The following TNS1 variants were observed in gnomAD, a reference collection of about 807,000 sequenced individuals.
The protein encoded by TNS1 is tensin 1, also known as tensin-1.
Under a neutral mutation model 168.6 loss-of-function variants are expected in TNS1, and 62 were observed. The observed-to-expected ratio is 0.37, with a 90% confidence interval of 0.30 to 0.45. TNS1 has a LOEUF of 0.45. Among genes scored for constraint, TNS1 ranks in the 20% least tolerant of loss-of-function variants. TNS1 has a pLI of 1.00. For missense variants in TNS1, 2,240 were observed against 2,339.4 expected (o/e 0.96, Z 0.88); for synonymous variants, 934 against 933.2 (o/e 1.00, Z -0.02).
chr2:217,852,169 G>T (rs921187892), intron 18 of TNS1, among the ~76,000 whole-genome samples: 2 of 152,124 alleles, frequency 1.3e-5, no homozygotes, highest in African/African-American at 2.4e-5. Flanking sequence ...GACCCCAGCC[G>T]CCTGTTTCTA....
Position 217,885,806 on chromosome 2 carries a change from C to T in TNS1, c.1054G>A (p.Asp352Asn), listed in dbSNP as rs139691939. 3.5e-5 allele frequency: 56 copies of T among 1,614,146 alleles called. No homozygotes were observed. Among genetic ancestry groups the T allele is most frequent in the Non-Finnish European group, 4.7e-5 (56 of 1,180,028 alleles). ...GTGATGCAGACGCTAGTCTGGCTGT[C>T]TCCTGGGATGTTGCTAAGGGAGAGA... ...YTSGIYNIPGDSQTSVCITIE... is the reference protein window; with the variant it reads ...YTSGIYNIPGNSQTSVCITIE... Residue 352 changes from aspartate (D) to asparagine (N), a missense_variant, in exon 15 of 33, where the codon GAC (aspartate) becomes AAC (asparagine). By Grantham distance (23) the Asp-to-Asn change is conservative. Coordinates refer to ENST00000682258, the MANE Select transcript of TNS1 (RefSeq NM_001387777.1).
intron 3 of TNS1, among the ~76,000 whole-genome samples, chr2:217,974,508 T>G (rs376364572): frequency 5.9e-5 from 9 of 152,186 alleles, no homozygotes; most frequent in African/African-American, 1.7e-4. Context: ...GAAGCTGGGG[T>G]GGAACCTAGC....
intron 18 of TNS1, among the ~76,000 whole-genome samples, chr2:217,872,974 T>C (rs1352609832): frequency 1.3e-5 from 2 of 152,198 alleles, no homozygotes; most frequent in East Asian, 3.8e-4. Context: ...ACGTAAAGTG[T>C]CCAGAATAGA....
intron 1 of TNS1, among the ~76,000 whole-genome samples, chr2:217,994,354 G>T (rs1958431247): frequency 6.6e-6 from 1 of 152,118 alleles, no homozygotes; most frequent in Admixed American, 6.5e-5. Context: ...TGGGGGTGGG[G>T]GAGGTGCAGA....
intron 18 of TNS1, among the ~76,000 whole-genome samples, chr2:217,875,884 T>C (rs1296870735): frequency 6.6e-6 from 1 of 152,092 alleles, no homozygotes; most frequent in Non-Finnish European, 1.5e-5. Context: ...TCTGGTGGGA[T>C]TGTCCATGGA....
chr2:217,947,903 T>G (rs1002912627), intron 3 of TNS1, among the ~76,000 whole-genome samples: 8 of 152,090 alleles, frequency 5.3e-5, no homozygotes, highest in African/African-American at 1.9e-4. Flanking sequence ...CCATGTGCAC[T>G]CCACACAGAT....
At chr2:217,855,964 C>T (rs530618409) in intron 18 of TNS1, among the ~76,000 whole-genome samples, 144 of 152,316 alleles carry the variant, frequency 9.5e-4, no homozygotes, top group African/African-American at 3.1e-3. Flanking sequence ...CCCCTACAGA[C>T]CTCTCCAGCT....
At chr2:217,872,289 A>G (rs1949836779) in intron 18 of TNS1, among the ~76,000 whole-genome samples, 1 of 152,254 alleles carries the variant, frequency 6.6e-6, no homozygotes, top group African/African-American at 2.4e-5. Flanking sequence ...ATGGGAGAAT[A>G]TATCGGCAAA....
chr2:217,973,947 G>A (rs1957830754), intron 3 of TNS1, among the ~76,000 whole-genome samples: 1 of 152,174 alleles, frequency 6.6e-6, no homozygotes, highest in East Asian at 1.9e-4. Context: ...ATACAACATA[G>A]CAATTAAAAA....
rs892246882 is a variant in TNS1 at position 217,803,366 on chromosome 2, G to A, written c.*1093C>T. Reference sequence around the variant, plus strand: ...GGTAAGCAGGTCTGAGATAAGGCTGGTCCAGGGGCATGAAACCCAATAACA... The same window carrying A: ...GGTAAGCAGGTCTGAGATAAGGCTGATCCAGGGGCATGAAACCCAATAACA... On this transcript the variant is annotated 3_prime_UTR_variant, in exon 33 of 33. Transcript: ENST00000682258. The A allele has an allele frequency of 6.6e-6, 1 of 152,456 alleles. No homozygotes were observed. Among genetic ancestry groups the A allele is most frequent in the African/African-American group, 2.4e-5 (1 of 41,462 alleles). 9.4% of individuals were successfully genotyped at this position (152,456 alleles called of 1,614,324 possible).
intron 19 of TNS1, chr2:217,842,140 G>A (rs1345071130): frequency 1.0e-5 from 7 of 702,790 alleles, no homozygotes; most frequent in Non-Finnish European, 1.6e-5. Flanking sequence ...GAGGTTCCAG[G>A]ACTCCATCCT....
chr2:217,898,395 G>GGA (rs1255960569), intron 7 of TNS1, among the ~76,000 whole-genome samples: 2 of 152,216 alleles, frequency 1.3e-5, no homozygotes, highest in African/African-American at 4.8e-5. Context: ...GGAAGAGGAA[G>GGA]GAGAGCCTGC....
intron 3 of TNS1, among the ~76,000 whole-genome samples, chr2:217,950,852 G>A (rs1957223706): frequency 6.6e-6 from 1 of 151,116 alleles, no homozygotes; most frequent in South Asian, 2.1e-4. Flanking sequence ...TTACCCCTCG[G>A]CTCACTTTCC....
intron 3 of TNS1, among the ~76,000 whole-genome samples, chr2:217,934,259 G>A (rs1223168267): frequency 6.6e-6 from 1 of 152,170 alleles, no homozygotes. Flanking sequence ...GAAGGCATAG[G>A]TGATGGGAGG....
At chr2:217,926,346 T>A (rs1390617123) in intron 3 of TNS1, among the ~76,000 whole-genome samples, 2 of 152,224 alleles carry the variant, frequency 1.3e-5, no homozygotes, top group East Asian at 3.8e-4. Flanking sequence ...GTAGCATGTA[T>A]GAGAACTTCT....
In TNS1 at chr2:217,813,224, G is replaced by A. The variant is rs1474148443; in HGVS notation, c.4945C>T (p.Pro1649Ser). Residue 1649 changes from proline to serine, a missense_variant, in exon 27 of 33, where the codon CCA becomes TCA. This residue lies in a region of TNS1 where 2,131 missense variants were observed against 2,171.2 expected (regional missense o/e 0.98). Transcript: ENST00000682258. The surrounding 1 kb of genome is among the most constrained non-coding windows in gnomAD (Gnocchi z 4.0). ...GVKLKGCPNEPNFGSLSALVY... is the reference protein window; with the variant it reads ...GVKLKGCPNESNFGSLSALVY... ...CAGGGGGACAGCTCACCGAAGTTTG[G>A]CTCATTGGGGCAGCCCTTGAGCTTG... 1 of 1,602,460 alleles carries A rather than the reference G, an allele frequency of 6.2e-7. No homozygotes were observed. Among genetic ancestry groups the A allele is most frequent in the Non-Finnish European group, 8.5e-7 (1 of 1,173,714 alleles).
chr2:217,836,832 C>G (rs1260614237), intron 19 of TNS1, among the ~76,000 whole-genome samples: 1 of 152,106 alleles, frequency 6.6e-6, no homozygotes, highest in Admixed American at 6.5e-5. Context: ...CTCCCCGCCC[C>G]CTTTTCCCTG....
chr2:218,014,624 A>G (rs1253953360), upstream of TNS1, among the ~76,000 whole-genome samples: 1 of 152,134 alleles, frequency 6.6e-6, no homozygotes, highest in Non-Finnish European at 1.5e-5. Context: ...AAGTCCTTCG[A>G]TTGCTTTGAG....
chr2:217,933,839 A>G (rs562735915), intron 3 of TNS1, among the ~76,000 whole-genome samples: 1 of 152,318 alleles, frequency 6.6e-6, no homozygotes, highest in South Asian at 2.1e-4. Context: ...GAGCAGGTGC[A>G]CAAACAATAG....
Sources: allele counts gnomAD v4.1 joint callset (sites outside exome capture counted in the v4.1 genomes callset), GRCh38; gene constraint gnomAD v4.1.1; regional missense constraint gnomAD v4.1.1; non-coding constraint Gnocchi (gnomAD v3.1); transcripts MANE v1.5; gene names NCBI Gene and HGNC (gene_info 2026-07-23, HGNC 2026-07-21).